GLB1L2: variants seen among roughly 807,000 people sequenced by gnomAD.
GLB1L2 encodes the protein beta-galactosidase-1-like protein 2.
A neutral mutation model predicts 84.1 loss-of-function variants in GLB1L2; 68 were observed. The ratio of observed to expected loss-of-function variants is 0.81; its 90% CI spans 0.67 to 0.99. The LOEUF is 0.99. Among genes scored for constraint, GLB1L2 ranks in the 50% least tolerant of loss-of-function variants. The pLI is 0.00. For synonymous variants in GLB1L2, 290 were observed against 318.0 expected, an observed-to-expected ratio of 0.91 and a Z score of 0.94; for missense variants, 762 against 805.6, an observed-to-expected ratio of 0.95 and a Z score of 0.66.
At position 134,370,330 on chromosome 11, in the gene GLB1L2, G is replaced by A; in HGVS notation, c.1146G>A (p.Lys382=). The A allele has an allele frequency of 6.2e-7, 1 of 1,613,950 alleles. No individual in the cohort carries two copies. The highest frequency in any genetic ancestry group is 8.5e-7 in the Non-Finnish European group (1 of 1,179,976). The change falls in exon 12 of 19, where the codon AAG becomes AAA. Residue 382 remains lysine (K), a synonymous_variant. Coordinates refer to ENST00000535456, the MANE Select transcript of GLB1L2 (RefSeq NM_001370461.1). This position sits in a 1 kb window ranked among gnomAD's most constrained non-coding sequence, Gnocchi z 4.7. ...CTCCCCCACCTGACCTTCTTCCCAA[G>A]ATGCCGTATGAGCCCTTAACGCCAG... is the stretch of plus-strand genomic sequence containing the variant. ...PLPPPPDLLP[K]MPYEPLTPVL... is the part of the protein sequence containing the mutation.
rs551320527 is a variant in GLB1L2 at position 134,364,596 on chromosome 11, G to T, written c.804+198G>T. 926 of 575,696 alleles carry T rather than the reference G, an allele frequency of 1.6e-3. 14 individuals carry two copies. The South Asian group carries it at 0.019, about 12-fold the overall frequency. The allele number at this position is 575,696 out of a possible 1,614,324, so 35.7% of individuals were successfully genotyped here. A position where few individuals can be genotyped will look rare whatever the true frequency, so the allele number is the denominator to read the frequency against. The stretch of plus-strand genomic sequence containing the variant: ...ACCTCTGAGGGCTGCTGTGTAGGCT[G>T]ATGCAGTGTGGACATCACCCACTGC... On this transcript the variant is annotated intron_variant, in intron 8 of 18. Transcript: ENST00000535456.
At position 134,342,969 on chromosome 11, in the gene GLB1L2, C is replaced by A. The variant is rs758421709; in HGVS notation, c.284+18C>A. 9 of 1,581,772 alleles carry A rather than the reference C, an allele frequency of 5.7e-6. No individual in the cohort carries two copies. The highest frequency in any genetic ancestry group is 1.8e-4 in the Middle Eastern group (1 of 5,706). ...CTCACCACGTAGGTGCTGCCCCTGTCCCCCCGGAGCCTGGTTCCTAAGCAG... is the reference window on the plus strand; with the variant it reads ...CTCACCACGTAGGTGCTGCCCCTGTACCCCCGGAGCCTGGTTCCTAAGCAG... On this transcript the variant is annotated intron_variant, in intron 2 of 18. Coordinates refer to ENST00000535456, the MANE Select transcript of GLB1L2 (RefSeq NM_001370461.1).
At chr11:134,358,567 C>T (rs1367730809) in intron 6 of GLB1L2, among the ~76,000 whole-genome samples, 1 of 152,284 alleles carries the variant, frequency 6.6e-6, no homozygotes, top group African/African-American at 2.4e-5. Context: ...CGTGACAGGG[C>T]ATGGTGGGCC....
intron 1 of GLB1L2, among the ~76,000 whole-genome samples, chr11:134,335,043 T>C (rs1051373124): frequency 8.5e-5 from 13 of 152,154 alleles, no homozygotes; most frequent in South Asian, 4.1e-4. Flanking sequence ...AAAGCCTTCA[T>C]GTGGGCAGCC....
Position 134,370,065 on chromosome 11 carries a change from C to G in GLB1L2, c.1108+180C>G, listed in dbSNP as rs1943926602. 6.6e-6 allele frequency among the ~76,000 whole-genome samples: 1 copy of G among 152,122 alleles called. No individual in the cohort carries two copies. Among genetic ancestry groups the G allele is most frequent in the South Asian group, 2.1e-4 (1 of 4,824 alleles). ...TCCATCTTGCCGGCTTCACCTGTTACAGGTGTTAACGCTCCTTATCTCCTG... is the reference window on the plus strand; with the variant it reads ...TCCATCTTGCCGGCTTCACCTGTTAGAGGTGTTAACGCTCCTTATCTCCTG... On this transcript the variant is annotated intron_variant, in intron 11 of 18. Transcript: ENST00000535456. The surrounding 1 kb of genome is among the most constrained non-coding windows in gnomAD (Gnocchi z 4.7).
chr11:134,351,148 T>A (rs1036421395), intron 5 of GLB1L2, among the ~76,000 whole-genome samples: 5 of 152,228 alleles, frequency 3.3e-5, no homozygotes, highest in Admixed American at 3.3e-4. Context: ...GTGAATATGA[T>A]GTTGACTGTG....
At chr11:134,347,472 T>G in intron 5 of GLB1L2, 39 bp downstream of exon 5, 1 of 1,388,790 alleles carries the variant, frequency 7.2e-7, no homozygotes, top group Non-Finnish European at 1.0e-6. Flanking sequence ...TTGGTCTGTC[T>G]TCCTCTAGGT....
Position 134,338,397 on chromosome 11 carries a change from A to G in GLB1L2, c.87-4357A>G, listed in dbSNP as rs1305117484. On this transcript the variant is annotated intron_variant, in intron 1 of 18. Transcript: ENST00000535456. This position sits in a 1 kb window ranked among gnomAD's most constrained non-coding sequence, Gnocchi z 6.2. ...ACAGGATCTGGCTCACCTCCCACCC[A>G]GCCGCCCTGCAAGATCCCCTCTGAA... 6.6e-6 allele frequency among the ~76,000 whole-genome samples: 1 copy of G among 152,110 alleles called. No homozygotes were observed. Among genetic ancestry groups the G allele is most frequent in the Non-Finnish European group, 1.5e-5 (1 of 68,018 alleles).
chr11:134,347,314 T>C lies in GLB1L2; in HGVS notation c.450-11T>C. 6.2e-7 allele frequency: 1 copy of C among 1,606,284 alleles called. No individual in the cohort carries two copies. Among genetic ancestry groups the C allele is most frequent in the Non-Finnish European group, 8.5e-7 (1 of 1,172,856 alleles). On this transcript the variant is annotated splice_polypyrimidine_tract_variant and intron_variant, in intron 4 of 18. Transcript: ENST00000535456. ...ACTAACATCCTTCCTTTCCCCCGTT[T>C]ACACTTCAAGCTGGCTACTCCAAGA...
chr11:134,335,236 T>G (rs897198756), intron 1 of GLB1L2, among the ~76,000 whole-genome samples: 2 of 151,724 alleles, frequency 1.3e-5, no homozygotes, highest in Non-Finnish European at 2.9e-5. Context: ...TCACTTTTTT[T>G]TTTTTATGTG....
At chr11:134,352,141 G>T (rs1171013232) in intron 5 of GLB1L2, among the ~76,000 whole-genome samples, 1 of 152,096 alleles carries the variant, frequency 6.6e-6, no homozygotes, top group East Asian at 1.9e-4. Flanking sequence ...GGTCTGTTCA[G>T]ATTTTATATT....
chr11:134,348,266 G>A (rs1382365841), intron 5 of GLB1L2, among the ~76,000 whole-genome samples: 2 of 152,144 alleles, frequency 1.3e-5, no homozygotes, highest in African/African-American at 2.4e-5. Context: ...TCCAAATATT[G>A]CATGGGTCAT....
In GLB1L2 at chr11:134,342,968, T is replaced by TC. The variant is rs34168802; in HGVS notation, c.284+23dup. On this transcript the variant is annotated intron_variant, in intron 2 of 18. Coordinates refer to ENST00000535456, the MANE Select transcript of GLB1L2 (RefSeq NM_001370461.1). ...CCTCACCACGTAGGTGCTGCCCCTG[T>TC]CCCCCCGGAGCCTGGTTCCTAAGCA... 0.039 allele frequency: 62,274 copies of TC among 1,595,464 alleles called. 1,480 individuals are homozygous for TC. The highest frequency in any genetic ancestry group is 0.047 in the Non-Finnish European group (54,565 of 1,168,638).
At chr11:134,346,297 T>C (rs59657447) in intron 4 of GLB1L2, 1,812 of 152,918 alleles carry the variant, frequency 0.012, 40 homozygotes, top group African/African-American at 0.041. Flanking sequence ...CCCATCCCTG[T>C]GGATTAGAAA....
intron 6 of GLB1L2, among the ~76,000 whole-genome samples, chr11:134,356,871 C>T (rs1319515550): frequency 2.0e-5 from 3 of 152,126 alleles, no homozygotes; most frequent in Non-Finnish European, 2.9e-5. Flanking sequence ...GACTGACCAG[C>T]GAAGGGCAGA....
chr11:134,373,689 G>T, intron 15 of GLB1L2, 32 bp from the exon 16 acceptor site: 1 of 1,477,816 alleles, frequency 6.8e-7, no homozygotes, highest in South Asian at 1.2e-5. Context: ...CCTGCCTTTG[G>T]GCTACCCACG....
rs112242020 is a variant in GLB1L2, at chr11:134,336,635, T to C, written c.86+4488T>C. Among the ~76,000 whole-genome samples, 302 of 152,326 alleles carry C rather than the reference T, an allele frequency of 2.0e-3. 5 individuals are homozygous for C. The highest frequency in any genetic ancestry group is 6.9e-3 in the African/African-American group (288 of 41,568). On this transcript the variant is annotated intron_variant, in intron 1 of 18. Transcript: ENST00000535456. Reference sequence around the variant, plus strand: ...ATTTCCAAATAGTACATTTTATTTCTGTTGGATCAATGTAAAGGAGATTCC... The same window carrying C: ...ATTTCCAAATAGTACATTTTATTTCCGTTGGATCAATGTAAAGGAGATTCC...
Position 134,332,061 on chromosome 11 carries a change from G to C in GLB1L2, c.-1G>C. ...GGGTCCCCGCGCTTAGAGAACACGC[G>C]ATGACCACGTGGAGCCTCCGGCGGA... On this transcript the variant is annotated 5_prime_UTR_variant, in exon 1 of 19. Transcript: ENST00000535456. 1.3e-6 allele frequency: 2 copies of C among 1,571,480 alleles called. No individual in the cohort carries two copies.
intron 1 of GLB1L2, among the ~76,000 whole-genome samples, chr11:134,336,922 G>A (rs1365028280): frequency 6.6e-6 from 1 of 152,176 alleles, no homozygotes; most frequent in Admixed American, 6.5e-5. Flanking sequence ...TGTTTATGAT[G>A]CTGTCAATGG....
Sources: gnomAD v4.1 joint callset for allele counts (sites outside exome capture counted in the v4.1 genomes callset) on GRCh38, gnomAD v4.1.1 for gene constraint, Gnocchi (gnomAD v3.1) non-coding constraint, MANE v1.5 for transcripts, NCBI Gene and HGNC (gene_info 2026-07-23, HGNC 2026-07-21) for gene names.